The following SGCD variants were observed in gnomAD, a reference collection of about 807,000 sequenced individuals.
SGCD encodes sarcoglycan delta.
In SGCD, 18 loss-of-function variants were observed where a neutral mutation model predicts 36.6. The observed-to-expected ratio is 0.49, with a 90% confidence interval of 0.34 to 0.73. The LOEUF (loss-of-function observed/expected upper bound fraction) is 0.73. Ranked by LOEUF, SGCD falls within the 30% of genes least tolerant of loss-of-function variation. The probability of loss-of-function intolerance (pLI) is 0.01; values close to 1 mark genes in which losing one functional copy is unlikely to be tolerated. For synonymous variants in SGCD, 133 were observed against 130.6 expected (o/e 1.02, Z -0.12); for missense variants, 387 against 346.7 (o/e 1.12, Z -0.92).
intron 6 of SGCD, among the ~76,000 whole-genome samples, chr5:156,636,459 G>A (rs1762830656): frequency 6.6e-6 from 1 of 152,142 alleles, no homozygotes; most frequent in Non-Finnish European, 1.5e-5. Flanking sequence ...AGTGGAGAAA[G>A]CAAGACATAG....
In SGCD at chr5:156,650,651, G is replaced by T. The variant is rs1581333643; in HGVS notation, c.575+3115G>T. Among the ~76,000 whole-genome samples the T allele has an allele frequency of 2.6e-5, 4 of 152,208 alleles. No individual in the cohort carries two copies. In the Middle Eastern group the frequency reaches 0.014, roughly 518 times the overall value. On this transcript the variant is annotated intron_variant, in intron 7 of 8. Coordinates refer to ENST00000337851, the MANE Select transcript of SGCD (RefSeq NM_000337.6). ...GGCCTTCAGTTATATTCATGTTGCTGCAGAGGACATGATTTTGTTAGTTTT... is the reference window on the plus strand; with the variant it reads ...GGCCTTCAGTTATATTCATGTTGCTTCAGAGGACATGATTTTGTTAGTTTT...
chr5:155,733,008 A>G, the SGCD span, among the ~76,000 whole-genome samples: 3 of 114,942 alleles, frequency 2.6e-5, no homozygotes, highest in Non-Finnish European at 3.4e-5. Flanking sequence ...GATGTTTGTT[A>G]TACTCGTTTT....
At chr5:155,957,034 C>A (rs1170212719) in intron 1 of SGCD, among the ~76,000 whole-genome samples, 3 of 151,836 alleles carry the variant, frequency 2.0e-5, no homozygotes, top group African/African-American at 7.3e-5. Context: ...GAAAATAGAT[C>A]AATAAAGGTG....
rs564908568 is a variant in SGCD, at chr5:156,044,152, A to G, written c.-281-73726A>G. Among the ~76,000 whole-genome samples, 4 of 152,286 alleles carry G rather than the reference A, an allele frequency of 2.6e-5. No individual in the cohort carries two copies. The South Asian group carries it at 6.2e-4, about 24-fold the overall frequency. On this transcript the variant is annotated intron_variant, in intron 1 of 9. Transcript: ENST00000517913. ...TCTTAGAAAAATTGGAATGAGAGTA[A>G]GGTCTTTAAGAAGAGGTAAAATTCA...
intron 3 of SGCD, among the ~76,000 whole-genome samples, chr5:156,213,776 A>T (rs946491273): frequency 6.6e-6 from 1 of 152,054 alleles, no homozygotes; most frequent in Middle Eastern, 3.2e-3. Context: ...ATTGTGATCA[A>T]TTGGGATTTA....
At chr5:156,423,246 ATAATATTATATTTTAT>A (rs1773449890) in intron 3 of SGCD, among the ~76,000 whole-genome samples, 1 of 81,096 alleles carries the variant, frequency 1.2e-5, no homozygotes, top group African/African-American at 4.4e-5. Context: ...ATTATATTTT[ATAATATTATATTTTAT>A]TATAATATAA....
At chr5:156,340,240 A>G (rs1228700666) in intron 2 of SGCD, among the ~76,000 whole-genome samples, 1 of 152,238 alleles carries the variant, frequency 6.6e-6, no homozygotes, top group Non-Finnish European at 1.5e-5. Flanking sequence ...TGACAGTTGA[A>G]TTCTACATTT....
intron 6 of SGCD, among the ~76,000 whole-genome samples, chr5:156,617,305 A>G (rs1762056055): frequency 6.6e-6 from 1 of 152,164 alleles, no homozygotes; most frequent in Non-Finnish European, 1.5e-5. Flanking sequence ...TTCGTTAAAG[A>G]TTCATAAAGG....
intron 1 of SGCD, among the ~76,000 whole-genome samples, chr5:155,905,262 C>A (rs1450457378): frequency 1.3e-5 from 2 of 152,248 alleles, no homozygotes; most frequent in African/African-American, 4.8e-5. Context: ...TTAAAGAAAG[C>A]TGATGCAAAA....
At chr5:156,357,596 A>G (rs998766074) in intron 3 of SGCD, among the ~76,000 whole-genome samples, 1 of 152,170 alleles carries the variant, frequency 6.6e-6, no homozygotes, top group Non-Finnish European at 1.5e-5. Context: ...TACTAACTAC[A>G]TAGCTTGTAT....
chr5:156,678,653 T>C (rs1753605233), intron 7 of SGCD, among the ~76,000 whole-genome samples: 1 of 152,196 alleles, frequency 6.6e-6, no homozygotes, highest in Non-Finnish European at 1.5e-5. Context: ...CAGTGAATCA[T>C]TGTTTGTCTG....
At chr5:155,806,147 A>G in the SGCD span, among the ~76,000 whole-genome samples, 2 of 150,676 alleles carry the variant, frequency 1.3e-5, no homozygotes, top group African/African-American at 2.4e-5. Flanking sequence ...GGACTTTACT[A>G]TTTTCTTTTC....
intron 1 of SGCD, among the ~76,000 whole-genome samples, chr5:155,953,347 G>A (rs1757580332): frequency 6.6e-6 from 1 of 152,134 alleles, no homozygotes; most frequent in South Asian, 2.1e-4. Flanking sequence ...TCTGTCTCCT[G>A]TTTTGGTAAG....
chr5:156,054,317 G>A (rs1359938960), intron 1 of SGCD, among the ~76,000 whole-genome samples: 1 of 118,300 alleles, frequency 8.5e-6, no homozygotes, highest in African/African-American at 3.2e-5. Flanking sequence ...ACAGAGTCTC[G>A]CTCTGTGGCC....
intron 4 of SGCD, among the ~76,000 whole-genome samples, chr5:156,569,083 C>A (rs1759614287): frequency 7.1e-6 from 1 of 140,514 alleles, no homozygotes; most frequent in South Asian, 2.2e-4. Flanking sequence ...TAAAGCAGGA[C>A]CATCCTCCCC....
At chr5:155,915,221 C>T (rs1026026648) in intron 1 of SGCD, among the ~76,000 whole-genome samples, 3 of 152,132 alleles carry the variant, frequency 2.0e-5, no homozygotes, top group Admixed American at 6.6e-5. Flanking sequence ...CTGACAGCCC[C>T]AACCTCAGGA....
chr5:156,542,136 T>C (rs6861920), intron 4 of SGCD, among the ~76,000 whole-genome samples: 6,235 of 152,182 alleles, frequency 0.041, 426 homozygotes, highest in African/African-American at 0.14. Context: ...CAGGCAAAGT[T>C]AGGGGAAAAA....
chr5:156,226,349 CT>C (rs1764858532), intron 3 of SGCD, among the ~76,000 whole-genome samples: 1 of 152,068 alleles, frequency 6.6e-6, no homozygotes, highest in African/African-American at 2.4e-5. Context: ...GTTATTTTAC[CT>C]ACAATAAGAG....
chr5:155,748,582 C>A, the SGCD span, among the ~76,000 whole-genome samples: 3 of 152,136 alleles, frequency 2.0e-5, no homozygotes, highest in Non-Finnish European at 2.9e-5. Flanking sequence ...ATTTACATTA[C>A]AACCTCACTC....
Sources: allele counts gnomAD v4.1 joint callset (sites outside exome capture counted in the v4.1 genomes callset), GRCh38; gene constraint gnomAD v4.1.1; transcripts MANE v1.5; gene names NCBI Gene and HGNC (gene_info 2026-07-23, HGNC 2026-07-21).